Variants in CHST15 observed in about 807,000 individuals in gnomAD.
The protein encoded by CHST15 is carbohydrate sulfotransferase 15.
A neutral mutation model predicts 53.6 loss-of-function variants in CHST15; 30 were observed. That is an observed-to-expected ratio of 0.56 (90% CI 0.42 to 0.76). The LOEUF (loss-of-function observed/expected upper bound fraction) is 0.76. Ranked by LOEUF, CHST15 falls within the 30% of genes least tolerant of loss-of-function variation. CHST15 has a pLI of 0.00. For missense variants in CHST15, 627 were observed against 740.5 expected, an observed-to-expected ratio of 0.85 and a Z score of 1.78; for synonymous variants, 296 against 289.8, an observed-to-expected ratio of 1.02 and a Z score of -0.22.
intron 5 of CHST15, among the ~76,000 whole-genome samples, chr10:124,035,897 G>A (rs913467449): frequency 6.6e-6 from 1 of 152,126 alleles, no homozygotes; most frequent in Non-Finnish European, 1.5e-5. Context: ...CCATGCCCAC[G>A]TCCCCACTGG....
At chr10:124,040,706 G>A (rs150600960) in intron 4 of CHST15, among the ~76,000 whole-genome samples, 123 of 152,342 alleles carry the variant, frequency 8.1e-4, no homozygotes, top group African/African-American at 2.8e-3. Context: ...ACAGAGTCCA[G>A]GAACAGGAAA....
At chr10:124,047,396 GAC>G (rs1159477588) in intron 1 of CHST15, among the ~76,000 whole-genome samples, 1 of 152,200 alleles carries the variant, frequency 6.6e-6, no homozygotes, top group Non-Finnish European at 1.5e-5. Flanking sequence ...TCCCTCGAGT[GAC>G]ACAGAGCTTC....
At chr10:124,027,949 A>T (rs903906552) in intron 5 of CHST15, among the ~76,000 whole-genome samples, 2 of 152,220 alleles carry the variant, frequency 1.3e-5, no homozygotes, top group South Asian at 4.1e-4. Flanking sequence ...CTGCACTGAT[A>T]GTTTTCGGGT....
Position 124,045,679 on chromosome 10 carries a change from C to A in CHST15, c.534G>T (p.Lys178Asn), listed in dbSNP as rs1273110657. The A allele has an allele frequency of 6.3e-7, 1 of 1,592,198 alleles. No individual in the cohort carries two copies. Among genetic ancestry groups the A allele is most frequent in the Admixed American group, 1.8e-5 (1 of 56,770 alleles). ...CAAAGCTACTCACATGCAACTCCTG[C>A]TTCTTAAGGTCTTCTAAGTCTGGGA... ...RQLPDLEDLK[K>N]QELHMFSVIP... Residue 178 changes from lysine to asparagine, a missense_variant, in exon 2 of 8, where the codon AAG becomes AAT. Physicochemically the swap from Lys to Asn is moderately conservative, Grantham distance 94. This residue lies in a region of CHST15 where 187 missense variants were observed against 251.8 expected (regional missense o/e 0.74). Transcript: ENST00000435907.
chr10:124,014,621 C>T (rs77686127), intron 6 of CHST15, among the ~76,000 whole-genome samples: 2,583 of 152,336 alleles, frequency 0.017, 65 homozygotes, highest in African/African-American at 0.058. Context: ...ACCCGCCTCC[C>T]GGGGCTTTTC....
intron 6 of CHST15, chr10:124,020,483 T>C (rs764169134): frequency 8.1e-6 from 8 of 985,276 alleles, no homozygotes; most frequent in Non-Finnish European, 9.6e-6. Flanking sequence ...ACGGCCTCTG[T>C]AGTAAGAAAG....
intron 1 of CHST15, among the ~76,000 whole-genome samples, chr10:124,085,718 G>C (rs1371732148): frequency 1.3e-5 from 2 of 152,282 alleles, no homozygotes; most frequent in East Asian, 3.9e-4. Flanking sequence ...TGTGGGACAG[G>C]GTCAAGGTTG....
At position 124,008,904 on chromosome 10, in the gene CHST15, G is replaced by A. The variant is rs532014367; in HGVS notation, c.*1245C>T. The A allele has an allele frequency of 3.3e-5, 42 of 1,287,510 alleles. No homozygotes were observed. The highest frequency in any genetic ancestry group is 2.1e-4 in the Middle Eastern group (1 of 4,678). The allele number at this position is 1,287,510 out of a possible 1,614,324, so 79.8% of individuals were successfully genotyped here. On this transcript the variant is annotated 3_prime_UTR_variant, in exon 8 of 8. Coordinates refer to ENST00000435907, the MANE Select transcript of CHST15 (RefSeq NM_001270764.2). ...CGACAAGATCTCTAGCCCATCCATC[G>A]GTAAACCAAGCTGCCAAGTGGCCTG... is the stretch of plus-strand genomic sequence containing the variant.
chr10:124,042,566 AG>A (rs1947783844), intron 3 of CHST15, 119 bp from the exon 4 acceptor site: 1 of 1,145,634 alleles, frequency 8.7e-7, no homozygotes, highest in East Asian at 2.5e-5. Context: ...GACAGCAGCA[AG>A]AGGCTCAGCC....
chr10:124,086,059 C>G (rs150262841), intron 1 of CHST15, among the ~76,000 whole-genome samples: 1,866 of 152,338 alleles, frequency 0.012, 11 homozygotes, highest in Non-Finnish European at 0.019. Context: ...GGCTAGGAGT[C>G]AACCACTACC....
At chr10:124,033,044 C>T (rs1699739283) in intron 5 of CHST15, among the ~76,000 whole-genome samples, 1 of 152,206 alleles carries the variant, frequency 6.6e-6, no homozygotes. Context: ...CCAAAATCTC[C>T]TGCTTCCAGA....
chr10:124,022,808 T>A (rs979001779), intron 5 of CHST15, among the ~76,000 whole-genome samples: 1 of 147,010 alleles, frequency 6.8e-6, no homozygotes, highest in Admixed American at 6.7e-5. Flanking sequence ...CTCCTTGGCA[T>A]TTCTTTTTTT....
rs1946681698 is a variant in CHST15, at chr10:124,019,092, C to A, written c.1347+2164G>T. 6.6e-6 allele frequency among the ~76,000 whole-genome samples: 1 copy of A among 152,158 alleles called. No homozygotes were observed. Among genetic ancestry groups the A allele is most frequent in the South Asian group, 2.1e-4 (1 of 4,832 alleles). ...ATGCGAGGCCTGCAGGATGGAAGAG[C>A]CACCTGCACCAGGAAAGTGTAGATG... On this transcript the variant is annotated intron_variant, in intron 6 of 7. Coordinates refer to ENST00000435907, the MANE Select transcript of CHST15 (RefSeq NM_001270764.2). This position sits in a 1 kb window ranked among gnomAD's most constrained non-coding sequence, Gnocchi z 4.6.
rs912538344 is a variant in CHST15 at position 124,009,711 on chromosome 10, G to A, written c.*438C>T. 2.5e-5 allele frequency: 26 copies of A among 1,023,812 alleles called. No individual in the cohort carries two copies. The highest frequency in any genetic ancestry group is 2.9e-5 in the Non-Finnish European group (25 of 852,534). The allele number at this position is 1,023,812 out of a possible 1,614,324, so 63.4% of individuals were successfully genotyped here. On this transcript the variant is annotated 3_prime_UTR_variant, in exon 8 of 8. Coordinates refer to ENST00000435907, the MANE Select transcript of CHST15 (RefSeq NM_001270764.2). ...AACACGGCGAGACCCCATCTCTAGG[G>A]GGAAAAAAAGGGAACGTGAAGTGTA...
intron 6 of CHST15, among the ~76,000 whole-genome samples, chr10:124,014,557 T>C (rs7905369): frequency 0.94 from 143,285 of 152,276 alleles, 67,506 homozygotes; most frequent in East Asian, 1. Context: ...AATAAACATG[T>C]GTTGTCACCT....
At chr10:124,035,761 A>C (rs2133948204) in intron 5 of CHST15, among the ~76,000 whole-genome samples, 1 of 152,164 alleles carries the variant, frequency 6.6e-6, no homozygotes, top group Non-Finnish European at 1.5e-5. Context: ...TACACAGCAA[A>C]CTCTTATTCA....
chr10:124,064,360 G>A (rs1948686919), intron 1 of CHST15, among the ~76,000 whole-genome samples: 1 of 152,208 alleles, frequency 6.6e-6, no homozygotes, highest in Non-Finnish European at 1.5e-5. Context: ...TGCAGTCAAA[G>A]TGCCTGTGTG....
At chr10:124,015,371 T>A (rs116207066) in intron 6 of CHST15, among the ~76,000 whole-genome samples, 1 of 141,046 alleles carries the variant, frequency 7.1e-6, no homozygotes, top group African/African-American at 2.6e-5. Flanking sequence ...GATTCACCAA[T>A]AGAAACATGG....
chr10:124,011,723 C>G, intron 7 of CHST15: 1 of 985,444 alleles, frequency 1.0e-6, no homozygotes, highest in African/African-American at 1.7e-5. Flanking sequence ...GGGCTGGTAT[C>G]CACAGGCTGA....
Sources: gnomAD v4.1 joint callset for allele counts (sites outside exome capture counted in the v4.1 genomes callset) on GRCh38, gnomAD v4.1.1 for gene constraint, gnomAD v4.1.1 regional missense constraint, Gnocchi (gnomAD v3.1) non-coding constraint, MANE v1.5 for transcripts, NCBI Gene and HGNC (gene_info 2026-07-23, HGNC 2026-07-21) for gene names.